LARS2: variants seen among roughly 807,000 people sequenced by gnomAD.
The protein encoded by LARS2 is leucine--tRNA ligase, mitochondrial.
A neutral mutation model predicts 116.6 loss-of-function variants in LARS2; 81 were observed. That is an observed-to-expected ratio of 0.69 (90% confidence interval 0.58 to 0.84). The LOEUF is 0.84. LARS2 is among the 40% of genes least tolerant of loss of function. The pLI is 0.00. For missense variants in LARS2, 968 were observed against 1,114.5 expected (o/e 0.87, Z 1.87); for synonymous variants, 396 against 407.2 (o/e 0.97, Z 0.33).
intron 1 of LARS2, among the ~76,000 whole-genome samples, chr3:45,390,401 CT>C (rs1559452375): frequency 6.6e-6 from 1 of 151,932 alleles, no homozygotes. Flanking sequence ...CAAGCTCCGC[CT>C]CCTGGGTTCA....
At chr3:45,511,633 T>C (rs1700291357) in intron 15 of LARS2, among the ~76,000 whole-genome samples, 1 of 151,918 alleles carries the variant, frequency 6.6e-6, no homozygotes, top group Non-Finnish European at 1.5e-5. Context: ...GCTGAACAGC[T>C]GGGGTTAGTC....
intron 20 of LARS2, among the ~76,000 whole-genome samples, 154 bp downstream of exon 20, chr3:45,524,262 G>A (rs998984336): frequency 3.3e-5 from 5 of 152,098 alleles, no homozygotes; most frequent in Non-Finnish European, 5.9e-5. Flanking sequence ...ACTCTGAATG[G>A]TAGTACTTCA....
At chr3:45,473,560 T>A (rs1699562871) in intron 8 of LARS2, among the ~76,000 whole-genome samples, 1 of 151,930 alleles carries the variant, frequency 6.6e-6, no homozygotes, top group Admixed American at 6.6e-5. Flanking sequence ...ATTTTTGTAT[T>A]TTTAGTAGAG....
Position 45,515,446 on chromosome 3 carries a change from A to G in LARS2, c.1862-648A>G, listed in dbSNP as rs536615076. 5.3e-5 allele frequency among the ~76,000 whole-genome samples: 8 copies of G among 152,298 alleles called. No individual in the cohort carries two copies. The East Asian group carries it at 1.2e-3, about 22-fold the overall frequency. ...AGGCTTAGCCTTGCCAGGTGCTCTT[A>G]CTAGTCCTCTCCAGTAGGGCTTGGC... On this transcript the variant is annotated intron_variant, in intron 16 of 21. Transcript: ENST00000645846.
At chr3:45,473,070 G>C (rs1699552875) in intron 8 of LARS2, among the ~76,000 whole-genome samples, 1 of 152,180 alleles carries the variant, frequency 6.6e-6, no homozygotes, top group Non-Finnish European at 1.5e-5. Context: ...GCCAGGCCCT[G>C]TGTGGAATAT....
chr3:45,389,305 C>T (rs1697897690), intron 1 of LARS2, among the ~76,000 whole-genome samples: 1 of 151,678 alleles, frequency 6.6e-6, no homozygotes, highest in African/African-American at 2.4e-5. Flanking sequence ...TGGGTTTTGT[C>T]TCACGGGTCA....
intron 19 of LARS2, among the ~76,000 whole-genome samples, chr3:45,523,667 T>G (rs1011760348): frequency 6.6e-6 from 1 of 151,930 alleles, no homozygotes; most frequent in Non-Finnish European, 1.5e-5. Flanking sequence ...ACTGGGACTA[T>G]AGGTGTGTGC....
At chr3:45,448,246 GAT>G (rs1699054329) in intron 7 of LARS2, among the ~76,000 whole-genome samples, 1 of 152,208 alleles carries the variant, frequency 6.6e-6, no homozygotes, top group African/African-American at 2.4e-5. Flanking sequence ...ACTAAAACGA[GAT>G]AGTGTTTATG....
At chr3:45,466,130 G>C (rs539855532) in intron 8 of LARS2, among the ~76,000 whole-genome samples, 1 of 152,306 alleles carries the variant, frequency 6.6e-6, no homozygotes, top group African/African-American at 2.4e-5. Context: ...AATTTGATCA[G>C]GAACCATAAA....
chr3:45,414,679 A>G (rs1698386405), intron 4 of LARS2, among the ~76,000 whole-genome samples: 1 of 151,806 alleles, frequency 6.6e-6, no homozygotes, highest in African/African-American at 2.4e-5. Flanking sequence ...CGGTGAACTG[A>G]TCGTGGCGCC....
chr3:45,514,959 A>G (rs1575306776), intron 16 of LARS2, among the ~76,000 whole-genome samples: 1 of 152,136 alleles, frequency 6.6e-6, no homozygotes, highest in Admixed American at 6.6e-5. Flanking sequence ...ACTGGGTGAG[A>G]ATACTTTGAT....
chr3:45,535,439 GA>G (rs1174701413), intron 20 of LARS2, among the ~76,000 whole-genome samples: 1 of 151,920 alleles, frequency 6.6e-6, no homozygotes, highest in Admixed American at 6.6e-5. Flanking sequence ...TCGTGTTGGA[GA>G]CGTAATTTCA....
chr3:45,435,072 A>G (rs1452982445), intron 6 of LARS2, among the ~76,000 whole-genome samples: 1 of 152,178 alleles, frequency 6.6e-6, no homozygotes, highest in African/African-American at 2.4e-5. Flanking sequence ...TCAGTTCTCT[A>G]GGTTTCCTGA....
rs190750231 is a variant in LARS2, at chr3:45,497,052, G to A, written c.1622+679G>A. Reference sequence around the variant, plus strand: ...GGTAGCAGGTAGGGAGGGTGAGACCGCTAAGAAGCCTCACCTCTTACTACA... The same window carrying A: ...GGTAGCAGGTAGGGAGGGTGAGACCACTAAGAAGCCTCACCTCTTACTACA... On this transcript the variant is annotated intron_variant, in intron 14 of 21. Transcript: ENST00000645846. Among the ~76,000 whole-genome samples, 437 of 152,186 alleles carry A rather than the reference G, an allele frequency of 2.9e-3. 3 individuals are homozygous for A. Among genetic ancestry groups the A allele is most frequent in the African/African-American group, 9.9e-3 (412 of 41,542 alleles).
chr3:45,499,373 C>T (rs1056235549), intron 14 of LARS2, among the ~76,000 whole-genome samples: 2 of 152,086 alleles, frequency 1.3e-5, no homozygotes, highest in Non-Finnish European at 2.9e-5. Context: ...ACCCTGGAGG[C>T]GGAGGTTGCA....
intron 18 of LARS2, among the ~76,000 whole-genome samples, chr3:45,519,129 T>C (rs939598437): frequency 9.9e-5 from 15 of 152,204 alleles, no homozygotes; most frequent in African/African-American, 3.6e-4. Context: ...ATAGTCAAAA[T>C]GGAAAAGCAC....
At chr3:45,448,291 A>G (rs1019646861) in intron 7 of LARS2, among the ~76,000 whole-genome samples, 6 of 152,244 alleles carry the variant, frequency 3.9e-5, no homozygotes, top group Non-Finnish European at 7.3e-5. Context: ...CCAGATGGAG[A>G]AAACCACACT....
At chr3:45,531,505 G>T (rs1364420039) in intron 20 of LARS2, among the ~76,000 whole-genome samples, 1 of 151,694 alleles carries the variant, frequency 6.6e-6, no homozygotes, top group African/African-American at 2.4e-5. Context: ...AGCCTCCCAA[G>T]TAGCTGGGAC....
chr3:45,393,670 G>A lies in LARS2; in HGVS notation c.-21-763G>A, dbSNP rs537636029. Among the ~76,000 whole-genome samples the A allele has an allele frequency of 4.6e-5, 7 of 152,142 alleles. No homozygotes were observed. The South Asian group carries it at 1.2e-3, about 27-fold the overall frequency. ...AGAACAACGTGTGGGCCTAGTGGTA[G>A]TCATTAAATATTTGGTGGTGGCTCA... is the stretch of plus-strand genomic sequence containing the variant. On this transcript the variant is annotated intron_variant, in intron 2 of 21. Transcript: ENST00000645846.
Sources: gnomAD v4.1 joint callset for allele counts (sites outside exome capture counted in the v4.1 genomes callset) on GRCh38, gnomAD v4.1.1 for gene constraint, MANE v1.5 for transcripts, NCBI Gene and HGNC (gene_info 2026-07-23, HGNC 2026-07-21) for gene names.